The following RRP9 variants were observed in gnomAD, a reference collection of about 807,000 sequenced individuals.
RRP9 encodes the protein ribosomal RNA processing 9, U3 small nucleolar RNA binding protein, also known as U3 small nucleolar RNA-interacting protein 2.
In RRP9, 35 loss-of-function variants were observed where a neutral mutation model predicts 65.5. That is an observed-to-expected ratio of 0.53 (90% confidence interval 0.41 to 0.71). The LOEUF (loss-of-function observed/expected upper bound fraction) is 0.71, where lower values mean the gene tolerates loss of function less well. RRP9 is among the 30% of genes least tolerant of loss of function. The probability of loss-of-function intolerance (pLI) is 0.00; values close to 1 mark genes in which losing one functional copy is unlikely to be tolerated. For missense variants in RRP9, 533 were observed against 633.6 expected, an observed-to-expected ratio of 0.84 and a Z score of 1.70; for synonymous variants, 254 against 245.0, an observed-to-expected ratio of 1.04 and a Z score of -0.34.
chr3:51,938,114 T>C lies in RRP9; in HGVS notation c.261A>G (p.Leu87=), dbSNP rs781253966. The C allele has an allele frequency of 6.2e-7, 1 of 1,608,076 alleles. No individual in the cohort carries two copies. The highest frequency in any genetic ancestry group is 2.2e-5 in the East Asian group (1 of 44,862). Residue 87 remains leucine, a synonymous_variant, in exon 3 of 15, where the codon CTA becomes CTG. Transcript: ENST00000232888. The part of the protein sequence containing the change: ...EKKLRLAKLY[L]EQLRQQEEEK... ...GCTCACCTTGCTGACGGAGCTGCTC[T>C]AGGTAGAGCTTGGCCAAGCGCAGCT...
In RRP9 at chr3:51,936,316, A is replaced by G; in HGVS notation, c.676T>C (p.Trp226Arg). Residue 226 changes from tryptophan to arginine, a missense_variant, in exon 8 of 15, where the codon TGG becomes CGG. Physicochemically the swap from Trp to Arg is moderately radical, Grantham distance 101. Around this residue, in one of 3 missense-constraint regions of RRP9, gnomAD observed 449 missense variants for 550.6 expected, o/e 0.82. Coordinates refer to ENST00000232888, the MANE Select transcript of RRP9 (RefSeq NM_004704.5). ...AAGTGCTGGCAGCTCTGGGCCTCCC[A>G]AATGAGAATGAGCTTGCTGCGGTCA... ...SGDRSKLILI[W>R]EAQSCQHLYT... 6.2e-7 allele frequency: 1 copy of G among 1,614,196 alleles called. No individual in the cohort carries two copies.
At position 51,935,575 on chromosome 3, in the gene RRP9, C is replaced by CT. The variant is rs768093039; in HGVS notation, c.836+16dup. 2 of 1,613,818 alleles carry CT rather than the reference C, an allele frequency of 1.2e-6. No individual in the cohort carries two copies. Among genetic ancestry groups the CT allele is most frequent in the African/African-American group, 2.7e-5 (2 of 74,924 alleles). Reference sequence around the variant, plus strand: ...CTCTCTCACACCATCCACACACCCTCTCCCATCCACACTCACAGCGTCTCC... The same window carrying CT: ...CTCTCTCACACCATCCACACACCCTCTTCCCATCCACACTCACAGCGTCTCC... On this transcript the variant is annotated intron_variant, in intron 9 of 14. Transcript: ENST00000232888.
intron 9 of RRP9, 50 bp from the exon 10 acceptor site, chr3:51,935,526 C>A: frequency 1.2e-6 from 2 of 1,613,910 alleles, no homozygotes; most frequent in Non-Finnish European, 1.7e-6. Flanking sequence ...ACTGCATGAA[C>A]TCACGGGCAC....
At chr3:51,936,638 A>G (rs2106673935) in intron 6 of RRP9, 83 bp from the exon 7 acceptor site, 2 of 1,449,932 alleles carry the variant, frequency 1.4e-6, no homozygotes, top group East Asian at 2.3e-5. Context: ...AGCATGGAAA[A>G]AAGAGCCATG....
Position 51,937,096 on chromosome 3 carries a change from C to T in RRP9, c.517+96G>A, listed in dbSNP as rs1699467308. 3 of 1,497,658 alleles carry T rather than the reference C, an allele frequency of 2.0e-6. No homozygotes were observed. The highest frequency in any genetic ancestry group is 2.4e-5 in the South Asian group (2 of 82,290). The allele number at this position is 1,497,658 out of a possible 1,614,324, so 92.8% of individuals were successfully genotyped here. On this transcript the variant is annotated intron_variant, in intron 6 of 14. Coordinates refer to ENST00000232888, the MANE Select transcript of RRP9 (RefSeq NM_004704.5). The surrounding 1 kb of genome is among the most constrained non-coding windows in gnomAD (Gnocchi z 5.0). ...AAACCTGCCTCCAGAGACTTCCCCA[C>T]TTCAGGGCTCAGCCTGCCATGACCA...
Position 51,937,068 on chromosome 3 carries a change from AGCAAAC to A in RRP9, c.517+118_517+123del. 1 of 1,267,910 alleles carries A rather than the reference AGCAAAC, an allele frequency of 7.9e-7. No homozygotes were observed. The highest frequency in any genetic ancestry group is 1.1e-6 in the Non-Finnish European group (1 of 902,234). 78.5% of individuals were successfully genotyped at this position (1,267,910 alleles called of 1,614,324 possible). ...GTCACCCAGAGAGCACTCCTAGGGC[AGCAAAC>A]CTGCCTCCAGAGACTTCCCCACTTC... On this transcript the variant is annotated intron_variant, in intron 6 of 14. Transcript: ENST00000232888. The surrounding 1 kb of genome is among the most constrained non-coding windows in gnomAD (Gnocchi z 5.0).
At chr3:51,941,644 G>A in intron 1 of RRP9, 137 bp downstream of exon 1, 1 of 1,092,058 alleles carries the variant, frequency 9.2e-7, no homozygotes, top group Non-Finnish European at 1.3e-6. Context: ...TTGGCCCGCG[G>A]AGAGAGGGAC....
At chr3:51,941,541 C>G in intron 1 of RRP9, 50 bp from the exon 2 acceptor site, 1 of 1,533,638 alleles carries the variant, frequency 6.5e-7, no homozygotes, top group Non-Finnish European at 9.0e-7. Flanking sequence ...ACCACCCTGG[C>G]ATTGACCAAG....
At chr3:51,941,355 C>G (rs1699527529) in intron 2 of RRP9, 54 bp downstream of exon 2, 1 of 1,431,326 alleles carries the variant, frequency 7.0e-7, no homozygotes, top group African/African-American at 1.4e-5. Flanking sequence ...CTCAGTCTTC[C>G]GTGCACCATG....
chr3:51,938,081 G>A lies in RRP9; in HGVS notation c.280+14C>T. 1 of 1,585,534 alleles carries A rather than the reference G, an allele frequency of 6.3e-7. No homozygotes were observed. ...CAGAAGCCCTGCCCATGGCTGGCCTGCCCACTGGCTCACCTTGCTGACGGA... is the reference window on the plus strand; with the variant it reads ...CAGAAGCCCTGCCCATGGCTGGCCTACCCACTGGCTCACCTTGCTGACGGA... On this transcript the variant is annotated intron_variant, in intron 3 of 14. Transcript: ENST00000232888.
Position 51,934,520 on chromosome 3 carries a change from C to T in RRP9, c.1212G>A (p.Gln404=), listed in dbSNP as rs1699429153. 3 of 1,614,116 alleles carry T rather than the reference C, an allele frequency of 1.9e-6. No homozygotes were observed. The highest frequency in any genetic ancestry group is 1.3e-5 in the African/African-American group (1 of 75,066). Reference sequence around the variant, plus strand: ...CAAGCTGCCGGAAGCCTTCCCCACACTGCCAAAGCCGCACACAGGAGCTGT... The same window carrying T: ...CAAGCTGCCGGAAGCCTTCCCCACATTGCCAAAGCCGCACACAGGAGCTGT... The part of the protein sequence containing the change: ...GSHSSCVRLW[Q]CGEGFRQLDL... Residue 404 remains glutamine (Q), a synonymous_variant, in exon 13 of 15, where the codon CAG becomes CAA. Coordinates refer to ENST00000232888, the MANE Select transcript of RRP9 (RefSeq NM_004704.5). The surrounding 1 kb of genome is among the most constrained non-coding windows in gnomAD (Gnocchi z 4.1).
At chr3:51,941,558 C>A in intron 1 of RRP9, 67 bp from the exon 2 acceptor site, 2 of 1,441,900 alleles carry the variant, frequency 1.4e-6, no homozygotes, top group Admixed American at 1.7e-5. Flanking sequence ...CAAGGGCCCC[C>A]CCCCCTCGGT....
At position 51,935,640 on chromosome 3, in the gene RRP9, C is replaced by A; in HGVS notation, c.788G>T (p.Arg263Leu). 2 of 1,614,178 alleles carry A rather than the reference C, an allele frequency of 1.2e-6. No individual in the cohort carries two copies. Among genetic ancestry groups the A allele is most frequent in the East Asian group, 4.5e-5 (2 of 44,870 alleles). ...THQLYSTSHDRSVKVWNVAEN... is the reference protein window; with the variant it reads ...THQLYSTSHDLSVKVWNVAEN... ...TGCCACATTCCACACCTTCACGGAG[C>A]GATCGTGGGATGTGCTGTAGAGCTG... Residue 263 changes from arginine to leucine, a missense_variant, in exon 9 of 15, where the codon CGC becomes CTC. Transcript: ENST00000232888.
At chr3:51,936,038 C>T (rs1699454809) in intron 8 of RRP9, among the ~76,000 whole-genome samples, 1 of 152,150 alleles carries the variant, frequency 6.6e-6, no homozygotes, top group African/African-American at 2.4e-5. Flanking sequence ...GAGGCGGCTT[C>T]TCAAGGCCCT....
chr3:51,938,260 G>T, intron 2 of RRP9, 56 bp from the exon 3 acceptor site: 1 of 1,356,250 alleles, frequency 7.4e-7, no homozygotes, highest in Non-Finnish European at 1.0e-6. Flanking sequence ...CTGACCGCTA[G>T]GATCGTGCCT....
At chr3:51,939,939 C>A (rs1699501453) in intron 2 of RRP9, among the ~76,000 whole-genome samples, 1 of 152,152 alleles carries the variant, frequency 6.6e-6, no homozygotes, top group Non-Finnish European at 1.5e-5. Flanking sequence ...ACACACTCAC[C>A]CACAATAACC....
rs1439123488 is a variant in RRP9 at position 51,934,639 on chromosome 3, A to G, written c.1172T>C (p.Val391Ala). The part of the protein sequence containing the change: ...SVAALLNTDL[V>A]ATGSHSSCVR... ...CCTCTCAGGGCACCCACCTGTGGCCACAAGGTCTGTGTTGAGGAGGGCTGC... is the reference window on the plus strand; with the variant it reads ...CCTCTCAGGGCACCCACCTGTGGCCGCAAGGTCTGTGTTGAGGAGGGCTGC... The change falls in exon 12 of 15, where the codon GTG (valine) becomes GCG (alanine). Residue 391 changes from valine to alanine, a missense_variant. Around this residue, in one of 3 missense-constraint regions of RRP9, gnomAD observed 449 missense variants for 550.6 expected, o/e 0.82. Transcript: ENST00000232888. The surrounding 1 kb of genome is among the most constrained non-coding windows in gnomAD (Gnocchi z 4.1). The G allele has an allele frequency of 6.2e-7, 1 of 1,614,074 alleles. No homozygotes were observed. The highest frequency in any genetic ancestry group is 8.5e-7 in the Non-Finnish European group (1 of 1,180,010).
Position 51,934,633 on chromosome 3 carries a change from G to A in RRP9, c.1178C>T (p.Thr393Ile). 6.2e-7 allele frequency: 1 copy of A among 1,614,088 alleles called. No homozygotes were observed. Among genetic ancestry groups the A allele is most frequent in the Non-Finnish European group, 8.5e-7 (1 of 1,180,012 alleles). Residue 393 changes from threonine (T) to isoleucine (I), a missense_variant and splice_region_variant, in exon 12 of 15, where the codon ACA becomes ATA. Transcript: ENST00000232888. This position sits in a 1 kb window ranked among gnomAD's most constrained non-coding sequence, Gnocchi z 4.1. ...AALLNTDLVATGSHSSCVRLW... is the reference protein window; with the variant it reads ...AALLNTDLVAIGSHSSCVRLW... The stretch of plus-strand genomic sequence containing the variant: ...TCCCTGCCTCTCAGGGCACCCACCT[G>A]TGGCCACAAGGTCTGTGTTGAGGAG...
Position 51,934,392 on chromosome 3 carries a change from A to G in RRP9, c.1260+80T>C. 7.0e-7 allele frequency: 1 copy of G among 1,435,534 alleles called. No individual in the cohort carries two copies. Among genetic ancestry groups the G allele is most frequent in the South Asian group, 1.3e-5 (1 of 74,778 alleles). 88.9% of individuals were successfully genotyped at this position (1,435,534 alleles called of 1,614,324 possible). On this transcript the variant is annotated intron_variant, in intron 13 of 14. Coordinates refer to ENST00000232888, the MANE Select transcript of RRP9 (RefSeq NM_004704.5). This position sits in a 1 kb window ranked among gnomAD's most constrained non-coding sequence, Gnocchi z 4.1. ...CTGAGAAGGTTCCCTTCTGGCAGGA[A>G]GAAAGACCTTAAAGAGCTAACTCCA...
Sources: allele counts gnomAD v4.1 joint callset (sites outside exome capture counted in the v4.1 genomes callset), GRCh38; gene constraint gnomAD v4.1.1; regional missense constraint gnomAD v4.1.1; non-coding constraint Gnocchi (gnomAD v3.1); transcripts MANE v1.5; gene names NCBI Gene and HGNC (gene_info 2026-07-23, HGNC 2026-07-21).